The following CSMD2 variants were observed in gnomAD, a reference collection of about 807,000 sequenced individuals.
The protein encoded by CSMD2 is CUB and sushi domain-containing protein 2.
A neutral mutation model predicts 398.5 loss-of-function variants in CSMD2; 130 were observed. That is an observed-to-expected ratio of 0.33 (90% CI 0.28 to 0.38). CSMD2 has a LOEUF of 0.38. Ranked by LOEUF, CSMD2 falls within the 10% of genes least tolerant of loss-of-function variation. The probability of loss-of-function intolerance (pLI) is 1.00; values close to 1 mark genes in which losing one functional copy is unlikely to be tolerated. For missense variants in CSMD2, 3,829 were observed against 4,764.9 expected (o/e 0.80, Z 5.78); for synonymous variants, 1,828 against 1,908.5 (o/e 0.96, Z 1.10).
chr1:33,789,479 C>T (rs965491872), intron 11 of CSMD2, among the ~76,000 whole-genome samples: 1 of 152,256 alleles, frequency 6.6e-6, no homozygotes, highest in Non-Finnish European at 1.5e-5. Context: ...TCTCCAAGGT[C>T]AACCTGATAC....
chr1:33,536,519 G>A (rs533723882), intron 62 of CSMD2, among the ~76,000 whole-genome samples: 2 of 152,166 alleles, frequency 1.3e-5, no homozygotes, highest in Non-Finnish European at 1.5e-5. Context: ...CACCGCACCC[G>A]GCCATCCTTT....
chr1:33,576,103 G>A (rs549605097), intron 49 of CSMD2, among the ~76,000 whole-genome samples: 27 of 152,228 alleles, frequency 1.8e-4, no homozygotes, highest in African/African-American at 4.1e-4. Context: ...AATCGCATAC[G>A]TTATGATGCG....
intron 9 of CSMD2, among the ~76,000 whole-genome samples, chr1:33,815,956 A>G (rs534408000): frequency 7.9e-5 from 12 of 152,318 alleles, no homozygotes; most frequent in African/African-American, 2.9e-4. Context: ...ATGTTTAAGG[A>G]GTAAAACCAG....
At chr1:33,617,798 T>C (rs1468360074) in intron 37 of CSMD2, among the ~76,000 whole-genome samples, 181 bp from the exon 38 acceptor site, 1 of 151,792 alleles carries the variant, frequency 6.6e-6, no homozygotes, top group African/African-American at 2.4e-5. Context: ...AGAAAAAGAG[T>C]ATATTTACAT....
intron 4 of CSMD2, 142 bp from the exon 5 acceptor site, chr1:33,918,443 G>A (rs1643836325): frequency 1.4e-6 from 1 of 719,618 alleles, no homozygotes; most frequent in African/African-American, 1.8e-5. Context: ...AGCAGCAAAT[G>A]ACTTTGTTTG....
chr1:34,016,269 T>G (rs762352028), intron 3 of CSMD2, among the ~76,000 whole-genome samples: 4 of 152,126 alleles, frequency 2.6e-5, no homozygotes, highest in Non-Finnish European at 5.9e-5. Flanking sequence ...AAGCCCCTCA[T>G]GCATTAGGTA....
At chr1:33,981,924 C>A (rs1646184035) in intron 3 of CSMD2, among the ~76,000 whole-genome samples, 1 of 152,122 alleles carries the variant, frequency 6.6e-6, no homozygotes, top group Admixed American at 6.6e-5. Context: ...TGAGAAAGGG[C>A]AGAGAGGGCA....
At chr1:33,585,172 G>A (rs554477769) in intron 46 of CSMD2, among the ~76,000 whole-genome samples, 51 of 152,314 alleles carry the variant, frequency 3.3e-4, no homozygotes, top group African/African-American at 1.2e-3. Context: ...CACTGCACAC[G>A]GAGAAATCAG....
chr1:34,098,242 A>C (rs2148402990), intron 1 of CSMD2, among the ~76,000 whole-genome samples: 1 of 129,404 alleles, frequency 7.7e-6, no homozygotes, highest in Non-Finnish European at 1.6e-5. Context: ...GAAGGGGAAC[A>C]TCACATTCTG....
intron 68 of CSMD2, among the ~76,000 whole-genome samples, chr1:33,520,243 T>C (rs1004646136): frequency 6.6e-6 from 1 of 152,216 alleles, no homozygotes. Context: ...CTTACAAGGG[T>C]GCAGCCCTTT....
chr1:33,651,764 G>C (rs1291627411), intron 28 of CSMD2, among the ~76,000 whole-genome samples: 1 of 152,178 alleles, frequency 6.6e-6, no homozygotes, highest in Admixed American at 6.5e-5. Context: ...GTTCGTGGGT[G>C]GCTTTTATCA....
At position 33,518,425 on chromosome 1, in the gene CSMD2, G is replaced by A. The variant is rs935688228; in HGVS notation, c.*53+1040C>T. The stretch of plus-strand genomic sequence containing the variant: ...TGTGTGTGCATGACCGTGTACACGT[G>A]TGGGTGTGTCTGCCCCCTGTCTATA... On this transcript the variant is annotated intron_variant, in intron 70 of 70. Coordinates refer to ENST00000373381, the MANE Select transcript of CSMD2 (RefSeq NM_001281956.2). The surrounding 1 kb of genome is among the most constrained non-coding windows in gnomAD (Gnocchi z 4.3). 1.3e-5 allele frequency among the ~76,000 whole-genome samples: 2 copies of A among 152,156 alleles called. No individual in the cohort carries two copies. Among genetic ancestry groups the A allele is most frequent in the African/African-American group, 4.8e-5 (2 of 41,436 alleles).
intron 7 of CSMD2, among the ~76,000 whole-genome samples, chr1:33,823,121 C>G (rs1316941947): frequency 6.6e-6 from 1 of 152,184 alleles, no homozygotes; most frequent in African/African-American, 2.4e-5. Flanking sequence ...CAAAGCCCAC[C>G]CGCCAAGCCA....
At position 33,648,920 on chromosome 1, in the gene CSMD2, C is replaced by T. The variant is rs544303381; in HGVS notation, c.4587-2085G>A. On this transcript the variant is annotated intron_variant, in intron 28 of 70. Transcript: ENST00000373381. Reference sequence around the variant, plus strand: ...AATAAAGTAAAAAAGACTACATTGACATGGTTAAATTACCAGGACCCTCTG... The same window carrying T: ...AATAAAGTAAAAAAGACTACATTGATATGGTTAAATTACCAGGACCCTCTG... Among the ~76,000 whole-genome samples the T allele has an allele frequency of 8.6e-4, 131 of 152,294 alleles. 1 individual carries two copies. Among genetic ancestry groups the T allele is most frequent in the African/African-American group, 2.9e-3 (122 of 41,562 alleles).
intron 10 of CSMD2, among the ~76,000 whole-genome samples, chr1:33,805,414 T>A (rs1656107186): frequency 6.6e-6 from 1 of 152,178 alleles, no homozygotes; most frequent in African/African-American, 2.4e-5. Context: ...GCAGAGGAAA[T>A]CTGCTTCCAG....
chr1:33,740,896 T>C (rs1647038781), intron 14 of CSMD2, among the ~76,000 whole-genome samples: 1 of 152,116 alleles, frequency 6.6e-6, no homozygotes, highest in Non-Finnish European at 1.5e-5. Flanking sequence ...ATTTCCAACA[T>C]CTGGGAGCAA....
At chr1:34,017,578 A>AT (rs1648303937) in intron 3 of CSMD2, among the ~76,000 whole-genome samples, 1 of 152,134 alleles carries the variant, frequency 6.6e-6, no homozygotes, top group Non-Finnish European at 1.5e-5. Context: ...GCAACATAGC[A>AT]AGATACCATC....
chr1:33,976,767 A>C (rs894115169), intron 3 of CSMD2, among the ~76,000 whole-genome samples: 1 of 152,130 alleles, frequency 6.6e-6, no homozygotes, highest in Admixed American at 6.5e-5. Context: ...ACCCTCATTT[A>C]TAAGGTAGGA....
chr1:33,942,868 T>C (rs1157282759), intron 3 of CSMD2, among the ~76,000 whole-genome samples: 2 of 152,250 alleles, frequency 1.3e-5, no homozygotes, highest in African/African-American at 4.8e-5. Context: ...TAGAGTTTCC[T>C]GTCCTCCATA....
Sources: allele counts gnomAD v4.1 joint callset (sites outside exome capture counted in the v4.1 genomes callset), GRCh38; gene constraint gnomAD v4.1.1; non-coding constraint Gnocchi (gnomAD v3.1); transcripts MANE v1.5; gene names NCBI Gene and HGNC (gene_info 2026-07-23, HGNC 2026-07-21).